The following CSMD3 variants were observed in gnomAD, a reference collection of about 807,000 sequenced individuals.
CSMD3 encodes the protein CUB and Sushi multiple domains 3.
CSMD3 carries 177 observed loss-of-function variants against 435.2 expected under a neutral mutation model. The observed-to-expected ratio is 0.41, with a 90% CI of 0.36 to 0.46. CSMD3 has a LOEUF of 0.46. Ranked by LOEUF, CSMD3 falls within the 20% of genes least tolerant of loss-of-function variation. The probability of loss-of-function intolerance (pLI) is 0.34; values close to 1 mark genes in which losing one functional copy is unlikely to be tolerated. For synonymous variants in CSMD3, 1,656 were observed against 1,520.5 expected (o/e 1.09, Z -2.07); for missense variants, 4,265 against 4,504.6 (o/e 0.95, Z 1.52).
chr8:112,929,467 G>T (rs2130696189), intron 9 of CSMD3, among the ~76,000 whole-genome samples: 1 of 151,808 alleles, frequency 6.6e-6, no homozygotes, highest in Non-Finnish European at 1.5e-5. Context: ...TTTTTATTTT[G>T]ATAATTCTTT....
chr8:112,933,116 C>T (rs2083167851), intron 9 of CSMD3, among the ~76,000 whole-genome samples: 1 of 151,930 alleles, frequency 6.6e-6, no homozygotes, highest in Non-Finnish European at 1.5e-5. Flanking sequence ...TGCAAGATGA[C>T]CTCTGAGATT....
chr8:112,714,489 C>A (rs1235527715), intron 13 of CSMD3, among the ~76,000 whole-genome samples: 1 of 152,104 alleles, frequency 6.6e-6, no homozygotes, highest in African/African-American at 2.4e-5. Context: ...AGATTTAACA[C>A]CCCACTGTCA....
intron 1 of CSMD3, among the ~76,000 whole-genome samples, chr8:113,386,572 T>C (rs1337263589): frequency 1.3e-5 from 2 of 151,820 alleles, no homozygotes; most frequent in Non-Finnish European, 2.9e-5. Context: ...TCTCTGTCAG[T>C]GTATTTTTAA....
intron 22 of CSMD3, among the ~76,000 whole-genome samples, chr8:112,607,572 A>C (rs1287967718): frequency 6.6e-6 from 1 of 152,064 alleles, no homozygotes; most frequent in Non-Finnish European, 1.5e-5. Flanking sequence ...TAGATTCAAA[A>C]ATCCTAAAAA....
chr8:112,642,140 T>C (rs945807100), intron 20 of CSMD3, among the ~76,000 whole-genome samples: 1 of 152,082 alleles, frequency 6.6e-6, no homozygotes, highest in Non-Finnish European at 1.5e-5. Context: ...AATATCTAGG[T>C]TTTAGTTATA....
intron 13 of CSMD3, among the ~76,000 whole-genome samples, chr8:112,777,677 G>A (rs977616742): frequency 4.0e-5 from 6 of 151,678 alleles, no homozygotes; most frequent in Admixed American, 2.6e-4. Context: ...TTTCCTTATC[G>A]CTACTAGGGA....
chr8:113,010,286 T>C (rs2086209077), intron 6 of CSMD3, among the ~76,000 whole-genome samples: 2 of 151,650 alleles, frequency 1.3e-5, no homozygotes, highest in African/African-American at 4.8e-5. Context: ...TCAAGAAACT[T>C]TTTATCTAGA....
At position 113,098,746 on chromosome 8, in the gene CSMD3, A is replaced by G; in HGVS notation, c.917+10T>C. 1 of 1,563,230 alleles carries G rather than the reference A, an allele frequency of 6.4e-7. No individual in the cohort carries two copies. The highest frequency in any genetic ancestry group is 8.8e-7 in the Non-Finnish European group (1 of 1,134,362). On this transcript the variant is annotated intron_variant, in intron 5 of 70. Transcript: ENST00000297405. ...CATCAATGCAAGGTTAATAGAAGCT[A>G]TTTACTTACCATATGGTAGGTGGCT...
chr8:112,536,428 C>T (rs1385018861), intron 27 of CSMD3, among the ~76,000 whole-genome samples: 7 of 152,124 alleles, frequency 4.6e-5, no homozygotes, highest in South Asian at 2.1e-4. Flanking sequence ...AAAATGCTCA[C>T]CATCACTGGC....
intron 30 of CSMD3, among the ~76,000 whole-genome samples, chr8:112,501,800 A>G (rs926930189): frequency 6.6e-6 from 1 of 152,196 alleles, no homozygotes; most frequent in Non-Finnish European, 1.5e-5. Flanking sequence ...CTAAATGTCT[A>G]TCAGCAGAAA....
At chr8:113,237,835 G>A (rs1242063383) in intron 3 of CSMD3, among the ~76,000 whole-genome samples, 1 of 152,136 alleles carries the variant, frequency 6.6e-6, no homozygotes, top group Non-Finnish European at 1.5e-5. Context: ...CCAGCACTTT[G>A]GGAGGCCGAG....
chr8:113,062,110 T>C (rs948771905), intron 5 of CSMD3, among the ~76,000 whole-genome samples: 6 of 151,904 alleles, frequency 3.9e-5, no homozygotes, highest in Non-Finnish European at 8.8e-5. Flanking sequence ...TTCCTATTTT[T>C]AAAGATATCT....
At position 113,193,247 on chromosome 8, in the gene CSMD3, A is replaced by G. The variant is rs180682172; in HGVS notation, c.515-19331T>C. ...TACTATTCAGAGACTGTTTTACCAC[A>G]TTCAGAGACAAGACCTCCAATATTT... On this transcript the variant is annotated intron_variant, in intron 3 of 70. Coordinates refer to ENST00000297405, the MANE Select transcript of CSMD3 (RefSeq NM_198123.2). 5.0e-3 allele frequency among the ~76,000 whole-genome samples: 759 copies of G among 151,390 alleles called. 4 individuals carry two copies. Among genetic ancestry groups the G allele is most frequent in the Non-Finnish European group, 7.4e-3 (498 of 67,594 alleles).
intron 22 of CSMD3, among the ~76,000 whole-genome samples, chr8:112,594,459 C>T (rs374223720): frequency 6.6e-6 from 1 of 152,192 alleles, no homozygotes; most frequent in African/African-American, 2.4e-5. Flanking sequence ...CCGCCATTGC[C>T]CAGGCTTGCT....
intron 27 of CSMD3, among the ~76,000 whole-genome samples, chr8:112,538,204 C>T (rs1826323136): frequency 1.3e-5 from 2 of 151,898 alleles, no homozygotes; most frequent in Admixed American, 1.3e-4. Flanking sequence ...CTAAAAATAA[C>T]AAAGGCCATA....
chr8:112,276,347 T>C (rs7018166), intron 59 of CSMD3, among the ~76,000 whole-genome samples: 3 of 152,060 alleles, frequency 2.0e-5, no homozygotes, highest in Non-Finnish European at 4.4e-5. Flanking sequence ...CAGGCACATG[T>C]TACAAGTTGT....
intron 31 of CSMD3, among the ~76,000 whole-genome samples, chr8:112,490,133 C>G (rs1215988806): frequency 6.6e-6 from 1 of 152,108 alleles, no homozygotes; most frequent in Non-Finnish European, 1.5e-5. Context: ...TATTTATATT[C>G]CAACTTTTGT....
At chr8:112,507,042 C>T (rs921041522) in intron 28 of CSMD3, among the ~76,000 whole-genome samples, 3 of 152,042 alleles carry the variant, frequency 2.0e-5, no homozygotes, top group Non-Finnish European at 4.4e-5. Flanking sequence ...TAAAATTTAG[C>T]TGCTTTATTG....
At chr8:112,500,044 G>A (rs748245709) in intron 30 of CSMD3, among the ~76,000 whole-genome samples, 3 of 152,122 alleles carry the variant, frequency 2.0e-5, no homozygotes, top group Non-Finnish European at 4.4e-5. Context: ...GGGATGCAAA[G>A]GTTGCGGTGA....
Sources: allele counts gnomAD v4.1 joint callset (sites outside exome capture counted in the v4.1 genomes callset), GRCh38; gene constraint gnomAD v4.1.1; transcripts MANE v1.5; gene names NCBI Gene and HGNC (gene_info 2026-07-23, HGNC 2026-07-21).